Variants in HMCN2 observed in about 807,000 individuals in gnomAD.
HMCN2 encodes hemicentin 2.
HMCN2 carries 325 observed loss-of-function variants against 377.5 expected under a neutral mutation model. The observed-to-expected ratio is 0.86, with a 90% CI of 0.79 to 0.94. HMCN2 has a LOEUF of 0.94. Ranked by LOEUF, HMCN2 falls within the 40% of genes least tolerant of loss-of-function variation. HMCN2 has a pLI of 0.00. For missense variants in HMCN2, 4,543 were observed against 4,725.3 expected (o/e 0.96, Z 1.13); for synonymous variants, 2,007 against 2,046.8 (o/e 0.98, Z 0.53).
rs970983388 is a variant in HMCN2 at position 130,391,961 on chromosome 9, G to C, written c.9979G>C (p.Asp3327His). The change falls in exon 66 of 98, where the codon GAC becomes CAC. Residue 3327 changes from aspartate to histidine, a missense_variant. By Grantham distance (81) the Asp-to-His change is moderately conservative. This residue lies in a region of HMCN2 where 1,073 missense variants were observed against 1,319.5 expected (regional missense o/e 0.81). Transcript: ENST00000683500. ...LVPPTIKQGA[D>H]GSGTLVSRPG... is the part of the protein sequence containing the mutation. ...TCCTCCCACCATCAAGCAGGGAGCA[G>C]ACGGCTCGGGGACCCTGGTGAGCAG... is the stretch of plus-strand genomic sequence containing the variant. 5.1e-6 allele frequency: 5 copies of C among 988,160 alleles called. No individual in the cohort carries two copies. The Admixed American group carries it at 3.1e-4, about 61-fold the overall frequency. 61.2% of individuals were successfully genotyped at this position (988,160 alleles called of 1,614,324 possible). A position where few individuals can be genotyped will look rare whatever the true frequency, so the allele number is the denominator to read the frequency against.
chr9:130,330,763 C>T (rs1483917193), intron 22 of HMCN2, among the ~76,000 whole-genome samples: 2 of 152,124 alleles, frequency 1.3e-5, no homozygotes, highest in Admixed American at 1.3e-4. Context: ...ATTCCGTCCT[C>T]ATCACGGATT....
chr9:130,348,755 G>A (rs922940878), intron 27 of HMCN2, 80 bp downstream of exon 27: 21 of 1,278,566 alleles, frequency 1.6e-5, no homozygotes, highest in Non-Finnish European at 2.2e-5. Flanking sequence ...ATTTCTGCGT[G>A]TGCCAAGGTG....
chr9:130,380,127 G>A (rs1283607716), intron 54 of HMCN2, among the ~76,000 whole-genome samples: 2 of 152,188 alleles, frequency 1.3e-5, no homozygotes, highest in Admixed American at 6.5e-5. Context: ...CCACCGTCTC[G>A]GATCGGCCTC....
chr9:130,274,786 T>G (rs1313169749), intron 1 of HMCN2, among the ~76,000 whole-genome samples: 2 of 152,208 alleles, frequency 1.3e-5, no homozygotes, highest in African/African-American at 4.8e-5. Flanking sequence ...TAATATGGCA[T>G]GAATATCTCT....
At chr9:130,306,691 A>G (rs1358949671) in intron 12 of HMCN2, 120 bp from the exon 13 acceptor site, 2 of 386,616 alleles carry the variant, frequency 5.2e-6, no homozygotes, top group Non-Finnish European at 1.1e-5. Context: ...GCACAGGCCT[A>G]GAGCAAGCCA....
chr9:130,365,719 A>C lies in HMCN2; in HGVS notation c.6497A>C (p.Asn2166Thr). The change falls in exon 42 of 98, where the codon AAC (asparagine) becomes ACC (threonine). Residue 2166 changes from asparagine (N) to threonine (T), a missense_variant. By Grantham distance (65) the Asn-to-Thr change is moderately conservative. Coordinates refer to ENST00000683500, the MANE Select transcript of HMCN2 (RefSeq NM_001291815.2). ...CACTCAGAGAAACACTACAATCTGA[A>C]CGTCTGGGGTGAGGGTCTCCCAGGC... ...AGHSEKHYNLNVWVAPVFPLR... is the reference protein window; with the variant it reads ...AGHSEKHYNLTVWVAPVFPLR... 2.0e-6 allele frequency: 2 copies of C among 985,698 alleles called. No individual in the cohort carries two copies. The highest frequency in any genetic ancestry group is 2.4e-6 in the Non-Finnish European group (2 of 829,804). The allele number at this position is 985,698 out of a possible 1,614,324, so 61.1% of individuals were successfully genotyped here. A position where few individuals can be genotyped will look rare whatever the true frequency, so the allele number is the denominator to read the frequency against.
At chr9:130,283,137 C>T (rs2131270520) in intron 1 of HMCN2, among the ~76,000 whole-genome samples, 1 of 152,168 alleles carries the variant, frequency 6.6e-6, no homozygotes, top group South Asian at 2.1e-4. Flanking sequence ...CCTAAGAAAC[C>T]TGATGTCCAC....
Position 130,369,920 on chromosome 9 carries a change from C to T in HMCN2, c.7069+69C>T. On this transcript the variant is annotated intron_variant, in intron 45 of 97. Coordinates refer to ENST00000683500, the MANE Select transcript of HMCN2 (RefSeq NM_001291815.2). The surrounding 1 kb of genome is among the most constrained non-coding windows in gnomAD (Gnocchi z 4.5). The stretch of plus-strand genomic sequence containing the variant: ...AGAGTGGGCAAGGTGGGTTCAATCT[C>T]CAGGCACGGCCCTCAGGCTGTGATC... 1.1e-6 allele frequency: 1 copy of T among 891,142 alleles called. No homozygotes were observed. The highest frequency in any genetic ancestry group is 1.3e-6 in the Non-Finnish European group (1 of 743,870). 55.2% of individuals were successfully genotyped at this position (891,142 alleles called of 1,614,324 possible).
At chr9:130,333,410 T>C (rs1838530689) in intron 22 of HMCN2, among the ~76,000 whole-genome samples, 1 of 152,192 alleles carries the variant, frequency 6.6e-6, no homozygotes, top group African/African-American at 2.4e-5. Context: ...CCCTTTGGTC[T>C]CTCTGGGCAG....
At chr9:130,371,818 G>A (rs569603818) in intron 46 of HMCN2, among the ~76,000 whole-genome samples, 103 of 152,348 alleles carry the variant, frequency 6.8e-4, no homozygotes, top group Middle Eastern at 3.4e-3. Context: ...TCTGGGTGCA[G>A]TAACAGCAGT....
rs201929591 is a variant in HMCN2, at chr9:130,376,806, A to AT, written c.8061+156dup. On this transcript the variant is annotated intron_variant, in intron 52 of 97. Transcript: ENST00000683500. ...GTCACCCTTTATTTATTTTATTTTT[A>AT]TTTTTTTTGAGATGGAGTGTTGCTC... is the stretch of plus-strand genomic sequence containing the variant. The AT allele has an allele frequency of 6.9e-3, 1,955 of 283,600 alleles. 45 individuals carry two copies. Among genetic ancestry groups the AT allele is most frequent in the African/African-American group, 0.042 (1,840 of 43,862 alleles). The allele number at this position is 283,600 out of a possible 1,614,324, so 17.6% of individuals were successfully genotyped here.
chr9:130,325,096 C>CTTTTTT lies in HMCN2; in HGVS notation c.2921-489_2921-484dup, dbSNP rs878863979. Among the ~76,000 whole-genome samples the CTTTTTT allele has an allele frequency of 1.9e-3, 248 of 128,026 alleles. 3 individuals are homozygous for CTTTTTT. Among genetic ancestry groups the CTTTTTT allele is most frequent in the Middle Eastern group, 8.5e-3 (2 of 236 alleles). 84.0% of individuals were successfully genotyped at this position (128,026 alleles called of 152,430 possible). ...GTCTTTTCTTCTTCTTCTTCTTCTT[C>CTTTTTT]TTTTTTTTTTTTTTTGTAGACAAGA... On this transcript the variant is annotated intron_variant, in intron 19 of 97. Transcript: ENST00000683500.
At chr9:130,425,336 G>A (rs1844268376) in intron 89 of HMCN2, among the ~76,000 whole-genome samples, 1 of 152,134 alleles carries the variant, frequency 6.6e-6, no homozygotes, top group Admixed American at 6.5e-5. Context: ...TCTGAGCCCT[G>A]CGACTTCAGA....
rs548637436 is a variant in HMCN2, at chr9:130,270,108, G to A, written c.259+3971G>A. On this transcript the variant is annotated intron_variant, in intron 1 of 97. Coordinates refer to ENST00000683500, the MANE Select transcript of HMCN2 (RefSeq NM_001291815.2). ...TTACAGGCATGAGCTACCATGCCTG[G>A]CCTTAACTGTTTCTTTTTTTTTTTA... Among the ~76,000 whole-genome samples, 60 of 147,836 alleles carry A rather than the reference G, an allele frequency of 4.1e-4. 3 individuals are homozygous for A. Among genetic ancestry groups the A allele is most frequent in the African/African-American group, 1.4e-3 (56 of 41,168 alleles).
chr9:130,375,802 A>C (rs1288411817), intron 50 of HMCN2, 66 bp downstream of exon 50: 1 of 979,522 alleles, frequency 1.0e-6, no homozygotes. Context: ...GGAGGAGAGG[A>C]CCTGTGAGCC....
intron 37 of HMCN2, 107 bp downstream of exon 37, chr9:130,359,521 C>T (rs1476604392): frequency 2.3e-6 from 1 of 436,396 alleles, no homozygotes; most frequent in Non-Finnish European, 4.2e-6. Context: ...GGGGAGAAAT[C>T]ATCAGGTCTT....
At position 130,357,930 on chromosome 9, in the gene HMCN2, C is replaced by T. The variant is rs894024172; in HGVS notation, c.5522C>T (p.Pro1841Leu). 6 of 1,304,048 alleles carry T rather than the reference C, an allele frequency of 4.6e-6. No homozygotes were observed. Among genetic ancestry groups the T allele is most frequent in the South Asian group, 3.7e-5 (3 of 81,028 alleles). The allele number at this position is 1,304,048 out of a possible 1,614,324, so 80.8% of individuals were successfully genotyped here. The change falls in exon 35 of 98, where the codon CCA becomes CTA. Residue 1841 changes from proline (P) to leucine (L), a missense_variant. Pro to Leu is a moderately conservative substitution (Grantham distance 98). This residue lies in a region of HMCN2 where 1,032 missense variants were observed against 1,285.1 expected (regional missense o/e 0.80). Coordinates refer to ENST00000683500, the MANE Select transcript of HMCN2 (RefSeq NM_001291815.2). ...LQCIGDGVPT[P>L]SLRWWKDGVA... The stretch of plus-strand genomic sequence containing the variant: ...TGCATAGGGGATGGGGTGCCCACCC[C>T]AAGCCTCCGTTGGTGGAAGGATGGT...
intron 28 of HMCN2, 44 bp downstream of exon 28, chr9:130,349,175 C>G: frequency 1.6e-6 from 2 of 1,288,958 alleles, no homozygotes; most frequent in South Asian, 2.5e-5. Flanking sequence ...GTGTCTGGCC[C>G]TGTAGCCCCA....
At chr9:130,426,009 C>T in intron 90 of HMCN2, 85 bp downstream of exon 90, 1 of 986,532 alleles carries the variant, frequency 1.0e-6, no homozygotes, top group East Asian at 2.6e-5. Context: ...GGAATCCACC[C>T]CTGCCCCTAA....
Sources: gnomAD v4.1 joint callset for allele counts (sites outside exome capture counted in the v4.1 genomes callset) on GRCh38, gnomAD v4.1.1 for gene constraint, gnomAD v4.1.1 regional missense constraint, Gnocchi (gnomAD v3.1) non-coding constraint, MANE v1.5 for transcripts, NCBI Gene and HGNC (gene_info 2026-07-23, HGNC 2026-07-21) for gene names.